The following VIT variants were observed in gnomAD, a reference collection of about 807,000 sequenced individuals.
The protein encoded by VIT is vitrin.
In VIT, 99 loss-of-function variants were observed where a neutral mutation model predicts 78.0. The ratio of observed to expected loss-of-function variants is 1.27; its 90% CI spans 1.08 to 1.50. The LOEUF is 1.50. Among genes scored for constraint, VIT ranks in the 40% most tolerant of loss-of-function variants. The pLI, the probability that VIT is intolerant of heterozygous loss-of-function variation, is 0.00. For missense variants in VIT, 1,126 were observed against 875.3 expected (o/e 1.29, Z -3.61); for synonymous variants, 374 against 334.3 (o/e 1.12, Z -1.29).
chr2:36,802,174 C>T (rs1666380082), intron 13 of VIT, among the ~76,000 whole-genome samples: 1 of 152,178 alleles, frequency 6.6e-6, no homozygotes, highest in Non-Finnish European at 1.5e-5. Context: ...TGGGGCATGT[C>T]CAGAAATTCC....
intron 15 of VIT, among the ~76,000 whole-genome samples, chr2:36,811,064 C>T (rs781373347): frequency 6.6e-6 from 1 of 152,300 alleles, no homozygotes; most frequent in South Asian, 2.1e-4. Flanking sequence ...TAGCCAGAGA[C>T]GGGGTTCAGG....
intron 2 of VIT, among the ~76,000 whole-genome samples, chr2:36,724,531 G>A (rs907811617): frequency 6.6e-6 from 1 of 152,194 alleles, no homozygotes; most frequent in African/African-American, 2.4e-5. Flanking sequence ...AGCAAGAGGG[G>A]GATTGCTGGG....
chr2:36,714,782 T>C (rs10170548), intron 1 of VIT, among the ~76,000 whole-genome samples: 46,471 of 151,982 alleles, frequency 0.31, 7,501 homozygotes, highest in East Asian at 0.57. Flanking sequence ...CTTCTCTAAG[T>C]CTTAGTTTCC....
At chr2:36,746,125 T>A (rs1668118599) in intron 4 of VIT, among the ~76,000 whole-genome samples, 1 of 152,234 alleles carries the variant, frequency 6.6e-6, no homozygotes, top group South Asian at 2.1e-4. Context: ...TTTGCATAGG[T>A]TGAACCAACC....
chr2:36,773,215 G>A (rs992292441), intron 7 of VIT, among the ~76,000 whole-genome samples: 1 of 152,138 alleles, frequency 6.6e-6, no homozygotes, highest in African/African-American at 2.4e-5. Flanking sequence ...ATAATGAAGT[G>A]TAAAGAAATA....
intron 11 of VIT, 65 bp from the exon 12 acceptor site, chr2:36,787,064 A>C (rs950433327): frequency 2.5e-6 from 4 of 1,591,030 alleles, no homozygotes; most frequent in Admixed American, 1.7e-5. Flanking sequence ...AAGAGGAACA[A>C]GAGGATGCCC....
In VIT at chr2:36,731,494, C is replaced by T. The variant is rs574269854; in HGVS notation, c.118+2003C>T. On this transcript the variant is annotated intron_variant, in intron 3 of 15. Transcript: ENST00000379242. ...TTCACCATGTTGGCCAGGATGGTCT[C>T]GATCTCCTGACCTCATGATCCACCT... Among the ~76,000 whole-genome samples the T allele has an allele frequency of 1.6e-3, 240 of 152,136 alleles. 2 individuals carry two copies. Among genetic ancestry groups the T allele is most frequent in the Admixed American group, 4.8e-3 (73 of 15,278 alleles).
chr2:36,786,381 GC>G (rs946656014), intron 11 of VIT, among the ~76,000 whole-genome samples: 5 of 152,234 alleles, frequency 3.3e-5, no homozygotes, highest in Non-Finnish European at 7.3e-5. Context: ...AGCCTGTGTG[GC>G]TTTTCACTAG....
At chr2:36,774,871 C>A (rs897291480) in intron 8 of VIT, 131 bp from the exon 9 acceptor site, 6 of 1,485,302 alleles carry the variant, frequency 4.0e-6, no homozygotes, top group Non-Finnish European at 5.4e-6. Flanking sequence ...AGAAGTACAA[C>A]CAGGCACAGA....
intron 9 of VIT, among the ~76,000 whole-genome samples, chr2:36,778,274 ACCACTG>A (rs1278093049): frequency 6.6e-6 from 1 of 152,164 alleles, no homozygotes; most frequent in Non-Finnish European, 1.5e-5. Flanking sequence ...CATCAGCAAC[ACCACTG>A]CCTCCTACAC....
At chr2:36,768,326 G>A (rs962060643) in intron 7 of VIT, among the ~76,000 whole-genome samples, 7 of 152,082 alleles carry the variant, frequency 4.6e-5, no homozygotes, top group Non-Finnish European at 7.4e-5. Flanking sequence ...CAGCTACTTG[G>A]GAGGCTGAAG....
At chr2:36,773,734 A>AAATT (rs538179203) in intron 7 of VIT, 57 bp from the exon 8 acceptor site, 3 of 1,378,906 alleles carry the variant, frequency 2.2e-6, no homozygotes, top group South Asian at 3.4e-5. Flanking sequence ...AAAAATAAAT[A>AAATT]AATTAATTAA....
At chr2:36,754,510 G>A (rs932166361) in intron 4 of VIT, among the ~76,000 whole-genome samples, 1 of 152,150 alleles carries the variant, frequency 6.6e-6, no homozygotes. Flanking sequence ...AAAAAAAAAG[G>A]AGTGTTTACT....
At chr2:36,765,304 TACAA>T (rs1007103998) in intron 6 of VIT, among the ~76,000 whole-genome samples, 1 of 152,066 alleles carries the variant, frequency 6.6e-6, no homozygotes, top group Non-Finnish European at 1.5e-5. Flanking sequence ...CTGGGTAATT[TACAA>T]ACAAAGGAGA....
At chr2:36,736,764 G>C (rs1211913199) in intron 3 of VIT, among the ~76,000 whole-genome samples, 1 of 152,244 alleles carries the variant, frequency 6.6e-6, no homozygotes, top group Non-Finnish European at 1.5e-5. Flanking sequence ...GAGGCCTCCT[G>C]TATGCACTGC....
Position 36,724,401 on chromosome 2 carries a change from G to C in VIT, c.53-5025G>C, listed in dbSNP as rs546337154. Among the ~76,000 whole-genome samples the C allele has an allele frequency of 5.3e-5, 8 of 152,276 alleles. No homozygotes were observed. The East Asian group carries it at 1.3e-3, about 26-fold the overall frequency. On this transcript the variant is annotated intron_variant, in intron 2 of 15. Transcript: ENST00000379242. Reference sequence around the variant, plus strand: ...GGCTCTCAGACCTGTCTGCGGCTTTGCACTTTGAAGTGGGCATCAGCCATC... The same window carrying C: ...GGCTCTCAGACCTGTCTGCGGCTTTCCACTTTGAAGTGGGCATCAGCCATC...
At chr2:36,789,717 C>T (rs1468113592) in intron 12 of VIT, among the ~76,000 whole-genome samples, 1 of 152,194 alleles carries the variant, frequency 6.6e-6, no homozygotes, top group African/African-American at 2.4e-5. Flanking sequence ...TTCTAACGCC[C>T]TCTTTGCTCC....
rs559174933 is a variant in VIT, at chr2:36,729,342, A to G, written c.53-84A>G. 5.8e-6 allele frequency: 7 copies of G among 1,204,980 alleles called. No homozygotes were observed. In the South Asian group the frequency reaches 1.1e-4, roughly 19 times the overall value. 74.6% of individuals were successfully genotyped at this position (1,204,980 alleles called of 1,614,324 possible). A position where few individuals can be genotyped will look rare whatever the true frequency, so the allele number is the denominator to read the frequency against. ...TTCTGCCATGGAGAATACTTTGTGG[A>G]TGATCGAAGCAAGTATGAGTCAAAA... On this transcript the variant is annotated intron_variant, in intron 2 of 15. Coordinates refer to ENST00000379242, the MANE Select transcript of VIT (RefSeq NM_053276.4).
chr2:36,765,144 C>T (rs576727305), intron 6 of VIT, among the ~76,000 whole-genome samples: 4 of 152,176 alleles, frequency 2.6e-5, no homozygotes, highest in East Asian at 1.9e-4. Flanking sequence ...GAGATCGTGA[C>T]GGGGCGGTTA....
Sources: allele counts gnomAD v4.1 joint callset (sites outside exome capture counted in the v4.1 genomes callset), GRCh38; gene constraint gnomAD v4.1.1; transcripts MANE v1.5; gene names NCBI Gene and HGNC (gene_info 2026-07-23, HGNC 2026-07-21).